The following DUSP11 variants were observed in gnomAD, a reference collection of about 807,000 sequenced individuals.
The protein encoded by DUSP11 is RNA/RNP complex-1-interacting phosphatase.
A neutral mutation model predicts 41.4 loss-of-function variants in DUSP11; 27 were observed. The observed-to-expected ratio is 0.65, with a 90% confidence interval of 0.48 to 0.90. DUSP11 has a LOEUF of 0.90. Among genes scored for constraint, DUSP11 ranks in the 40% least tolerant of loss-of-function variants. The pLI, the probability that DUSP11 is intolerant of heterozygous loss-of-function variation, is 0.00. For missense variants in DUSP11, 465 were observed against 461.1 expected, an observed-to-expected ratio of 1.01 and a Z score of -0.08; for synonymous variants, 188 against 159.3, an observed-to-expected ratio of 1.18 and a Z score of -1.35.
In DUSP11 at chr2:73,762,358, A is replaced by G. The variant is rs145553625; in HGVS notation, c.*303T>C. ...ATCACAAGTCTAGTCAGAAAGAAAT[A>G]CATAGAAAAACAAGATAGAATTTTA... On this transcript the variant is annotated 3_prime_UTR_variant, in exon 9 of 9. Coordinates refer to ENST00000272444, the Ensembl canonical transcript of DUSP11. 30 of 195,350 alleles carry G rather than the reference A, an allele frequency of 1.5e-4. No individual in the cohort carries two copies. The East Asian group carries it at 2.8e-3, about 18-fold the overall frequency. The allele number at this position is 195,350 out of a possible 1,614,324, so 12.1% of individuals were successfully genotyped here.
intron 5 of DUSP11, 96 bp from the exon 6 acceptor site, chr2:73,767,303 TA>T: frequency 1.1e-6 from 1 of 884,254 alleles, no homozygotes; most frequent in Non-Finnish European, 1.8e-6. Flanking sequence ...GACATAGATA[TA>T]AAAATCCTAA....
chr2:73,767,117 T>C, intron 6 of DUSP11, 44 bp downstream of exon 6: 2 of 1,547,988 alleles, frequency 1.3e-6, no homozygotes, highest in Non-Finnish European at 1.8e-6. Context: ...TTTCCACCTT[T>C]AACTTTAATA....
At chr2:73,775,113 A>G in intron 2 of DUSP11, 69 bp from the exon 3 acceptor site, 7 of 1,349,794 alleles carry the variant, frequency 5.2e-6, no homozygotes, top group Non-Finnish European at 7.1e-6. Flanking sequence ...CATTTATTCA[A>G]GTCCTGTGAT....
intron 8 of DUSP11, among the ~76,000 whole-genome samples, chr2:73,766,129 G>C (rs1038846402): frequency 2.6e-5 from 4 of 152,132 alleles, no homozygotes; most frequent in African/African-American, 4.8e-5. Context: ...CTAACATGGT[G>C]AAACCCCATC....
chr2:73,763,767 A>C (rs541341031), intron 8 of DUSP11, among the ~76,000 whole-genome samples: 4 of 151,270 alleles, frequency 2.6e-5, no homozygotes, highest in South Asian at 4.2e-4. Flanking sequence ...GAAAAGAAAA[A>C]CCCCCCACTG....
chr2:73,778,376 C>T, exon 2 of DUSP11: 1 of 1,519,120 alleles, frequency 6.6e-7, no homozygotes, highest in Non-Finnish European at 8.8e-7. Flanking sequence ...AGTCTTTCCA[C>T]CTATTAGATA....
At position 73,775,584 on chromosome 2, in the gene DUSP11, A is replaced by G. The variant is rs184956620; in HGVS notation, c.319-540T>C. ...TAAAGAGATAGGGTCAGCTGGGCGC[A>G]GTGGTTCACACCTGTAATCCCAGCA... On this transcript the variant is annotated intron_variant, in intron 2 of 8. Coordinates refer to ENST00000272444, the Ensembl canonical transcript of DUSP11. Among the ~76,000 whole-genome samples the G allele has an allele frequency of 5.5e-3, 811 of 147,878 alleles. 15 individuals are homozygous for G. Among genetic ancestry groups the G allele is most frequent in the African/African-American group, 0.019 (757 of 40,254 alleles).
chr2:73,773,165 C>G (rs1251979322), intron 4 of DUSP11: 4 of 152,276 alleles, frequency 2.6e-5, no homozygotes, highest in Non-Finnish European at 5.9e-5. Flanking sequence ...AAAGCAGGAA[C>G]AAGAAAGCAC....
chr2:73,779,655 G>C, intron 1 of DUSP11: 1 of 709,450 alleles, frequency 1.4e-6, no homozygotes. Flanking sequence ...GCAATGGCCA[G>C]AACCTCCCTT....
chr2:73,766,817 A>AT lies in DUSP11; in HGVS notation c.758+10dup. ...GACCCACAAATCTCACATATATAACATAAGACTTACTTTCTGATAGGACCA... is the reference window on the plus strand; with the variant it reads ...GACCCACAAATCTCACATATATAACATTAAGACTTACTTTCTGATAGGACCA... On this transcript the variant is annotated intron_variant, in intron 7 of 8. Transcript: ENST00000272444. The AT allele has an allele frequency of 6.3e-7, 1 of 1,599,716 alleles. No homozygotes were observed. The highest frequency in any genetic ancestry group is 2.2e-5 in the East Asian group (1 of 44,758).
intron 8 of DUSP11, among the ~76,000 whole-genome samples, chr2:73,764,759 G>C (rs1377249978): frequency 1.3e-5 from 2 of 152,214 alleles, no homozygotes; most frequent in Non-Finnish European, 2.9e-5. Context: ...CTGAGGTCAG[G>C]AGTTCAAGAC....
intron 2 of DUSP11, 93 bp from the exon 3 acceptor site, chr2:73,775,137 G>C (rs538940682): frequency 9.4e-7 from 1 of 1,066,314 alleles, no homozygotes; most frequent in African/African-American, 1.6e-5. Flanking sequence ...AACATACAAC[G>C]AGATTCAAAG....
intron 4 of DUSP11, among the ~76,000 whole-genome samples, chr2:73,771,708 T>C (rs1006164131): frequency 1.3e-5 from 2 of 150,998 alleles, no homozygotes; most frequent in Non-Finnish European, 3.0e-5. Flanking sequence ...TTCACCATGT[T>C]AGTCAGGATG....
intron 8 of DUSP11, 96 bp downstream of exon 8, chr2:73,766,322 A>T (rs903865866): frequency 2.4e-6 from 3 of 1,236,948 alleles, no homozygotes; most frequent in Non-Finnish European, 3.3e-6. Context: ...AAAAAAAAAA[A>T]ACGAAGAATT....
chr2:73,762,382 T>A, exon 9 of DUSP11: 1 of 227,750 alleles, frequency 4.4e-6, no homozygotes, highest in South Asian at 1.3e-4. Flanking sequence ...GATAGAATTT[T>A]AAAAATAATT....
chr2:73,768,961 A>T, intron 5 of DUSP11: 8 of 188,838 alleles, frequency 4.2e-5, no homozygotes, highest in Non-Finnish European at 8.6e-5. Flanking sequence ...GTCTCAATAA[A>T]AAAAAAAAAA....
chr2:73,774,453 T>G lies in DUSP11; in HGVS notation c.450+460A>C, dbSNP rs556510587. Among the ~76,000 whole-genome samples the G allele has an allele frequency of 1.6e-4, 25 of 152,314 alleles. No individual in the cohort carries two copies. In the East Asian group the frequency reaches 4.6e-3, roughly 28 times the overall value. ...AGTGTATAGTTCAGTGGCATTACAT[T>G]CACAGTATTGTGTAACCATCACCAC... is the stretch of plus-strand genomic sequence containing the variant. On this transcript the variant is annotated intron_variant, in intron 3 of 8. Coordinates refer to ENST00000272444, the Ensembl canonical transcript of DUSP11.
intron 3 of DUSP11, 53 bp from the exon 4 acceptor site, chr2:73,773,976 T>A (rs942411595): frequency 1.4e-6 from 2 of 1,428,892 alleles, no homozygotes; most frequent in Non-Finnish European, 1.9e-6. Flanking sequence ...AGAGAAATAA[T>A]TAAAGAGTAA....
At chr2:73,764,108 TAA>T (rs1471182467) in intron 8 of DUSP11, among the ~76,000 whole-genome samples, 1 of 152,218 alleles carries the variant, frequency 6.6e-6, no homozygotes, top group East Asian at 1.9e-4. Flanking sequence ...AATGATTAAG[TAA>T]ATATAGCTTT....
Sources: allele counts gnomAD v4.1 joint callset (sites outside exome capture counted in the v4.1 genomes callset), GRCh38; gene constraint gnomAD v4.1.1; transcripts MANE v1.5; gene names NCBI Gene and HGNC (gene_info 2026-07-23, HGNC 2026-07-21).